The following GLIS3 variants were observed in gnomAD, a reference collection of about 807,000 sequenced individuals.
GLIS3 encodes GLIS family zinc finger 3.
A neutral mutation model predicts 78.6 loss-of-function variants in GLIS3; 53 were observed. The observed-to-expected ratio is 0.67, with a 90% CI of 0.54 to 0.85. GLIS3 has a LOEUF of 0.85. Ranked by LOEUF, GLIS3 falls within the 40% of genes least tolerant of loss-of-function variation. GLIS3 has a pLI of 0.00. For missense variants in GLIS3, 1,703 were observed against 1,231.1 expected (o/e 1.38, Z -5.74); for synonymous variants, 684 against 509.9 (o/e 1.34, Z -4.60).
chr9:4,464,721 T>C, the GLIS3 span, among the ~76,000 whole-genome samples: 3 of 152,142 alleles, frequency 2.0e-5, no homozygotes, highest in African/African-American at 4.8e-5. Flanking sequence ...AAGGCATTAA[T>C]TGAATAAAAA....
At chr9:4,256,888 C>G (rs979191842) in intron 2 of GLIS3, among the ~76,000 whole-genome samples, 1 of 152,180 alleles carries the variant, frequency 6.6e-6, no homozygotes, top group African/African-American at 2.4e-5. Context: ...GTAAAGATAT[C>G]TGTACTCCCA....
rs149350195 is a variant in GLIS3 at position 4,318,761 on chromosome 9, G to A, written n.265-8233C>T. ...CTCTGCAGTAATAACAGATGAAGATGACAGTCTTCAAAAGATGCTAAAACT... is the reference window on the plus strand; with the variant it reads ...CTCTGCAGTAATAACAGATGAAGATAACAGTCTTCAAAAGATGCTAAAACT... On this transcript the variant is annotated intron_variant and non_coding_transcript_variant, in intron 2 of 4. Coordinates refer to the GLIS3 transcript ENST00000471664. 2.7e-3 allele frequency among the ~76,000 whole-genome samples: 406 copies of A among 152,260 alleles called. 4 individuals are homozygous for A. Among genetic ancestry groups the A allele is most frequent in the African/African-American group, 9.2e-3 (384 of 41,546 alleles).
At chr9:4,240,114 A>G (rs1460270803) in intron 2 of GLIS3, among the ~76,000 whole-genome samples, 5 of 146,662 alleles carry the variant, frequency 3.4e-5, no homozygotes, top group African/African-American at 1.3e-4. Context: ...TTAATTCACC[A>G]TCTAAAGCAG....
chr9:4,230,095 G>A (rs10974398), intron 2 of GLIS3, among the ~76,000 whole-genome samples: 1,891 of 152,330 alleles, frequency 0.012, 21 homozygotes, highest in Middle Eastern at 0.02. Flanking sequence ...CGGGCCAAGT[G>A]AAATGGTATA....
At chr9:4,186,970 C>G (rs1817859153) in intron 2 of GLIS3, among the ~76,000 whole-genome samples, 1 of 152,122 alleles carries the variant, frequency 6.6e-6, no homozygotes, top group Admixed American at 6.5e-5. Flanking sequence ...ACGGTAGTTT[C>G]TTTTGCTGTG....
intron 2 of GLIS3, among the ~76,000 whole-genome samples, chr9:4,227,061 CG>C (rs1821832559): frequency 6.6e-6 from 1 of 152,066 alleles, no homozygotes; most frequent in Non-Finnish European, 1.5e-5. Flanking sequence ...GTGCAGGGAG[CG>C]GTCTGTGGAA....
intron 6 of GLIS3, among the ~76,000 whole-genome samples, chr9:3,909,160 A>G (rs191083357): frequency 6.6e-6 from 1 of 152,272 alleles, no homozygotes; most frequent in African/African-American, 2.4e-5. Context: ...AAGGTTTATT[A>G]CTAGAACATT....
At chr9:4,272,825 C>G (rs1826637593) in intron 2 of GLIS3, among the ~76,000 whole-genome samples, 1 of 152,170 alleles carries the variant, frequency 6.6e-6, no homozygotes, top group Non-Finnish European at 1.5e-5. Context: ...CCCCAAATGT[C>G]AGGTGATCTG....
At chr9:4,377,829 T>C in the GLIS3 span, among the ~76,000 whole-genome samples, 2 of 152,120 alleles carry the variant, frequency 1.3e-5, no homozygotes, top group Non-Finnish European at 2.9e-5. Flanking sequence ...AGTTGGGCAA[T>C]GGAGGAAAAA....
intron 2 of GLIS3, among the ~76,000 whole-genome samples, chr9:4,202,377 T>C (rs1029945605): frequency 2.0e-5 from 3 of 150,902 alleles, no homozygotes; most frequent in African/African-American, 7.3e-5. Context: ...GGTCTGGAAC[T>C]CCTGACCTTG....
At chr9:3,980,604 T>G (rs986254046) in intron 4 of GLIS3, among the ~76,000 whole-genome samples, 2 of 152,212 alleles carry the variant, frequency 1.3e-5, no homozygotes, top group East Asian at 3.8e-4. Context: ...ACTGTAAGAG[T>G]TCATTGATTG....
chr9:4,065,732 G>C (rs925673760), intron 4 of GLIS3, among the ~76,000 whole-genome samples: 3 of 152,086 alleles, frequency 2.0e-5, no homozygotes, highest in African/African-American at 7.2e-5. Context: ...AAGTGAAGAG[G>C]TCTAAGATGC....
At chr9:4,348,304 C>CT (rs1483702477) in exon 1 of GLIS3, 1 of 152,212 alleles carries the variant, frequency 6.6e-6, no homozygotes, top group Non-Finnish European at 1.5e-5. Context: ...ACCAAGGTTT[C>CT]TTTCCTGCCA....
chr9:4,285,382 C>T (rs1046733878), intron 2 of GLIS3, among the ~76,000 whole-genome samples: 8 of 151,336 alleles, frequency 5.3e-5, no homozygotes, highest in Non-Finnish European at 1.2e-4. Context: ...ATTAAAAGCA[C>T]ATTCTCTCTA....
chr9:4,276,166 C>G (rs1472975177), intron 2 of GLIS3, among the ~76,000 whole-genome samples: 1 of 149,984 alleles, frequency 6.7e-6, no homozygotes, highest in Non-Finnish European at 1.5e-5. Flanking sequence ...GCCTGTGGTC[C>G]CAGCTACTTG....
chr9:4,483,153 T>A, the GLIS3 span, among the ~76,000 whole-genome samples: 1 of 152,140 alleles, frequency 6.6e-6, no homozygotes, highest in South Asian at 2.1e-4. Flanking sequence ...AAGATTAGTA[T>A]CACTAGACAT....
chr9:4,448,527 T>C, the GLIS3 span, among the ~76,000 whole-genome samples: 4 of 152,252 alleles, frequency 2.6e-5, no homozygotes, highest in African/African-American at 9.6e-5. Context: ...TGTTCTTTCT[T>C]CTGCACATTG....
At chr9:3,970,465 G>A (rs1172429872) in intron 4 of GLIS3, among the ~76,000 whole-genome samples, 1 of 152,142 alleles carries the variant, frequency 6.6e-6, no homozygotes, top group African/African-American at 2.4e-5. Context: ...ATTTGTAGAA[G>A]AAATTTTTAT....
intron 2 of GLIS3, among the ~76,000 whole-genome samples, chr9:4,158,640 G>C (rs897228825): frequency 7.2e-5 from 11 of 152,120 alleles, no homozygotes; most frequent in African/African-American, 2.4e-4. Context: ...ATATATGATA[G>C]CATTCATTCA....
Sources: allele counts gnomAD v4.1 joint callset (sites outside exome capture counted in the v4.1 genomes callset), GRCh38; gene constraint gnomAD v4.1.1; transcripts MANE v1.5; gene names NCBI Gene and HGNC (gene_info 2026-07-23, HGNC 2026-07-21).